The following HAT1 variants were observed in gnomAD, a reference collection of about 807,000 sequenced individuals.
HAT1 encodes histone acetyltransferase 1.
A neutral mutation model predicts 56.6 loss-of-function variants in HAT1; 20 were observed. The observed-to-expected ratio is 0.35, with a 90% CI of 0.25 to 0.51. The LOEUF is 0.51. Among genes scored for constraint, HAT1 ranks in the 20% least tolerant of loss-of-function variants. The pLI is 0.95. For missense variants in HAT1, 408 were observed against 504.3 expected (o/e 0.81, Z 1.83); for synonymous variants, 146 against 165.5 (o/e 0.88, Z 0.91).
chr2:171,965,503 T>A lies in HAT1; in HGVS notation c.475T>A (p.Phe159Ile). 2 of 1,576,552 alleles carry A rather than the reference T, an allele frequency of 1.3e-6. No individual in the cohort carries two copies. Among genetic ancestry groups the A allele is most frequent in the East Asian group, 2.2e-5 (1 of 44,584 alleles). The change falls in exon 5 of 11, where the codon TTT (phenylalanine) becomes ATT (isoleucine). Residue 159 changes from phenylalanine to isoleucine, a missense_variant. Physicochemically the swap from Phe to Ile is conservative, Grantham distance 21. Transcript: ENST00000264108. The part of the protein sequence containing the change: ...LSPTGGENFT[F>I]QIYKADMTCR... ...TCCAACAGGAGGAGAAAACTTTACC[T>A]TTCAGATATATAAGGTAAAGATAAA...
chr2:171,979,685 G>A (rs745971177), intron 10 of HAT1: 28 of 182,766 alleles, frequency 1.5e-4, no homozygotes, highest in Non-Finnish European at 1.8e-4. Flanking sequence ...GTGGGCGCCT[G>A]TAATACAGTG....
intron 5 of HAT1, 134 bp from the exon 6 acceptor site, chr2:171,965,653 T>C: frequency 1.0e-6 from 1 of 972,298 alleles, no homozygotes. Flanking sequence ...CTATTTTGTG[T>C]GTATGTCTGT....
intron 2 of HAT1, among the ~76,000 whole-genome samples, chr2:171,942,763 T>G (rs974593455): frequency 2.0e-5 from 3 of 152,158 alleles, no homozygotes; most frequent in Non-Finnish European, 4.4e-5. Flanking sequence ...CAACTTTTAG[T>G]TCCTATTTTC....
chr2:171,930,834 T>C (rs1003252807), intron 2 of HAT1, among the ~76,000 whole-genome samples: 1 of 151,962 alleles, frequency 6.6e-6, no homozygotes, highest in Admixed American at 6.6e-5. Context: ...ATGCTGGTCT[T>C]GAACTCCTGG....
At position 171,983,261 on chromosome 2, in the gene HAT1, A is replaced by G; in HGVS notation, c.1169A>G (p.Glu390Gly). Residue 390 changes from glutamate to glycine, a missense_variant, in exon 11 of 11, where the codon GAA becomes GGA. Transcript: ENST00000264108. ...EELTNQMNQI[E>G]ISMQHEQLEE... ...CTGACAAACCAGATGAACCAAATAG[A>G]AATAAGCATGCAACATGAACAGCTG... The G allele has an allele frequency of 6.2e-7, 1 of 1,604,920 alleles. No homozygotes were observed. The highest frequency in any genetic ancestry group is 1.7e-4 in the Middle Eastern group (1 of 6,044).
At chr2:171,972,209 CTTTTGT>C (rs1424097059) in intron 8 of HAT1, among the ~76,000 whole-genome samples, 1 of 99,466 alleles carries the variant, frequency 1.0e-5, no homozygotes, top group African/African-American at 3.6e-5. Context: ...CAGGGTTTTT[CTTTTGT>C]TTTTTTTTTT....
At chr2:171,933,619 A>G (rs1686797662) in intron 2 of HAT1, among the ~76,000 whole-genome samples, 1 of 152,092 alleles carries the variant, frequency 6.6e-6, no homozygotes, top group Non-Finnish European at 1.5e-5. Context: ...GCTCAATTCA[A>G]AATATTTTTA....
At chr2:171,945,357 A>G (rs2105318270) in intron 2 of HAT1, among the ~76,000 whole-genome samples, 1 of 152,278 alleles carries the variant, frequency 6.6e-6, no homozygotes, top group East Asian at 1.9e-4. Flanking sequence ...GGTACAGAGT[A>G]TCCTTGAGTA....
At chr2:171,957,436 T>A (rs1687474596) in intron 4 of HAT1, among the ~76,000 whole-genome samples, 1 of 152,226 alleles carries the variant, frequency 6.6e-6, no homozygotes, top group African/African-American at 2.4e-5. Context: ...TACCATTGTC[T>A]TTTGGAAGTG....
chr2:171,976,110 A>G, intron 8 of HAT1, 47 bp from the exon 9 acceptor site: 1 of 1,056,756 alleles, frequency 9.5e-7, no homozygotes, highest in Non-Finnish European at 1.2e-6. Context: ...AAGAAATTAT[A>G]TTGAGTATCA....
At chr2:171,966,223 A>C (rs1687679885) in intron 6 of HAT1, 186 bp from the exon 7 acceptor site, 1 of 635,352 alleles carries the variant, frequency 1.6e-6, no homozygotes, top group African/African-American at 1.8e-5. Flanking sequence ...AAGAGGTCTG[A>C]TTTATCCAAG....
At chr2:171,962,710 A>T (rs887056565) in intron 4 of HAT1, among the ~76,000 whole-genome samples, 21 of 152,068 alleles carry the variant, frequency 1.4e-4, no homozygotes, top group African/African-American at 3.1e-4. Flanking sequence ...CTTTTTAAAA[A>T]TTTTTTTGAA....
intron 4 of HAT1, among the ~76,000 whole-genome samples, chr2:171,957,984 A>G (rs1327784263): frequency 6.6e-6 from 1 of 152,214 alleles, no homozygotes; most frequent in Admixed American, 6.5e-5. Context: ...AAGAATTAAC[A>G]ATTAAACCAA....
chr2:171,965,643 C>G (rs1479362771), intron 5 of HAT1, 126 bp downstream of exon 5: 2 of 969,412 alleles, frequency 2.1e-6, no homozygotes, highest in East Asian at 4.8e-5. Context: ...AAACCAAGAT[C>G]TATTTTGTGT....
intron 2 of HAT1, among the ~76,000 whole-genome samples, chr2:171,930,935 T>C (rs1022239537): frequency 1.2e-4 from 18 of 151,960 alleles, no homozygotes; most frequent in African/African-American, 4.1e-4. Flanking sequence ...TTTTTTTAGA[T>C]GTAGATTATT....
chr2:171,949,964 A>G (rs1482567906), intron 3 of HAT1, among the ~76,000 whole-genome samples: 2 of 152,152 alleles, frequency 1.3e-5, no homozygotes, highest in Non-Finnish European at 2.9e-5. Flanking sequence ...TTCTCACACA[A>G]CAAGATGTTT....
At chr2:171,940,969 A>G (rs1687004542) in intron 2 of HAT1, among the ~76,000 whole-genome samples, 1 of 152,316 alleles carries the variant, frequency 6.6e-6, no homozygotes, top group African/African-American at 2.4e-5. Context: ...AGACTTACCA[A>G]AACTGTGACT....
At chr2:171,974,837 CATTT>C (rs1226176732) in intron 8 of HAT1, among the ~76,000 whole-genome samples, 9 of 152,126 alleles carry the variant, frequency 5.9e-5, no homozygotes, top group Non-Finnish European at 1.3e-4. Flanking sequence ...GAATTTTTCT[CATTT>C]ATTTTGTTAA....
At chr2:171,937,024 G>A (rs191798722) in intron 2 of HAT1, among the ~76,000 whole-genome samples, 3 of 151,724 alleles carry the variant, frequency 2.0e-5, no homozygotes, top group African/African-American at 7.3e-5. Context: ...GTGTGATCTC[G>A]GCTCATTGCA....
Sources: allele counts gnomAD v4.1 joint callset (sites outside exome capture counted in the v4.1 genomes callset), GRCh38; gene constraint gnomAD v4.1.1; transcripts MANE v1.5; gene names NCBI Gene and HGNC (gene_info 2026-07-23, HGNC 2026-07-21).